SPANXN4: variants seen among roughly 807,000 people sequenced by gnomAD.
SPANXN4 encodes the protein sperm protein associated with the nucleus on the X chromosome N4.
Under a neutral mutation model 6.0 loss-of-function variants are expected in SPANXN4, and 5 were observed. That is an observed-to-expected ratio of 0.83 (90% CI 0.44 to 1.75). SPANXN4 has a LOEUF of 1.75. SPANXN4 is among the 40% of genes most tolerant of loss of function. The probability of loss-of-function intolerance (pLI) is 0.02; values close to 1 mark genes in which losing one functional copy is unlikely to be tolerated. For missense variants in SPANXN4, 157 were observed against 108.6 expected (o/e 1.45, Z -1.98); for synonymous variants, 45 against 38.0 (o/e 1.19, Z -0.68).
At position 143,030,422 on chromosome X, in the gene SPANXN4, G is replaced by A. The variant is rs765947986; in HGVS notation, c.79-3606G>A. Among the ~76,000 whole-genome samples, 3 of 110,746 alleles carry A rather than the reference G, an allele frequency of 2.7e-5. No individual in the cohort carries two copies. The South Asian group carries it at 1.2e-3, about 43-fold the overall frequency. ...CTGACAGGTTATGGGAGGGACTACA[G>A]AGAAGGAGGTCATTGACATATTGGA... is the stretch of plus-strand genomic sequence containing the variant. On this transcript the variant is annotated intron_variant, in intron 1 of 2. Transcript: ENST00000370504.
At chrX:143,033,973 C>T in intron 1 of SPANXN4, 52 bp from the exon 2 acceptor site, 3 of 1,069,839 alleles carry the variant, frequency 2.8e-6, no homozygotes, top group South Asian at 4.4e-5. Flanking sequence ...CTATTCTCTA[C>T]CCTCTTCATC....
At chrX:143,029,574 G>A (rs5954939) in intron 1 of SPANXN4, among the ~76,000 whole-genome samples, 3,917 of 111,063 alleles carry the variant, frequency 0.035, 191 homozygotes, top group African/African-American at 0.12. Context: ...TGTTGGAAGC[G>A]GGAGGAGAGG....
downstream of SPANXN4, among the ~76,000 whole-genome samples, chrX:143,035,370 A>G (rs62601932): frequency 0.047 from 5,183 of 110,426 alleles, 112 homozygotes; most frequent in Middle Eastern, 0.061. Flanking sequence ...TTTTCAATGT[A>G]TATATCCATT....
intron 1 of SPANXN4, among the ~76,000 whole-genome samples, chrX:143,030,773 C>T (rs5908514): frequency 0.2 from 22,051 of 110,443 alleles, 1,887 homozygotes; most frequent in South Asian, 0.31. Flanking sequence ...GATCTTGGAC[C>T]AACAGGCAAG....
intron 1 of SPANXN4, among the ~76,000 whole-genome samples, chrX:143,032,958 A>C (rs866990690): frequency 9.0e-6 from 1 of 111,494 alleles, no homozygotes; most frequent in Non-Finnish European, 1.9e-5. Flanking sequence ...GAGTGGCTGG[A>C]GTGGTGAGCG....
chrX:143,038,192 C>T (rs1291555336), downstream of SPANXN4, among the ~76,000 whole-genome samples: 1 of 111,927 alleles, frequency 8.9e-6, no homozygotes, highest in African/African-American at 3.2e-5. Context: ...GCACTAGTGA[C>T]ATTTGAATCA....
exon 1 of SPANXN4, chrX:143,026,024 C>A: frequency 8.3e-7 from 1 of 1,207,131 alleles, no homozygotes; most frequent in Non-Finnish European, 1.1e-6. Context: ...CATGGAAGAG[C>A]CAACTTCCAG....
intron 1 of SPANXN4, among the ~76,000 whole-genome samples, chrX:143,030,254 T>C (rs1422864744): frequency 8.2e-5 from 9 of 110,282 alleles, no homozygotes; most frequent in Non-Finnish European, 7.6e-5. Flanking sequence ...TTAGCTCATT[T>C]TGTTGGGTTG....
intron 1 of SPANXN4, among the ~76,000 whole-genome samples, chrX:143,029,934 C>T (rs1196349984): frequency 4.5e-5 from 5 of 111,375 alleles, no homozygotes; most frequent in Non-Finnish European, 7.5e-5. Context: ...TCTGGGGCGT[C>T]GCCGTATATT....
At position 143,026,334 on chromosome X, in the gene SPANXN4, G is replaced by C. The variant is rs1309496797; in HGVS notation, c.78+242G>C. The stretch of plus-strand genomic sequence containing the variant: ...AGATGTTGTTATGATCAGGCAGTTT[G>C]GCCCTTTTTCTGGTGGGATGTCATC... On this transcript the variant is annotated intron_variant, in intron 1 of 2. Transcript: ENST00000370504. Among the ~76,000 whole-genome samples, 5 of 111,364 alleles carry C rather than the reference G, an allele frequency of 4.5e-5. No individual in the cohort carries two copies. The East Asian group carries it at 1.4e-3, about 32-fold the overall frequency.
At chrX:143,028,636 G>C (rs1464442501) in intron 1 of SPANXN4, among the ~76,000 whole-genome samples, 1 of 110,722 alleles carries the variant, frequency 9.0e-6, no homozygotes, top group Non-Finnish European at 1.9e-5. Context: ...GTGATGGGGT[G>C]TGCCTTTTCG....
intron 1 of SPANXN4, among the ~76,000 whole-genome samples, chrX:143,032,097 T>C (rs1214633460): frequency 8.9e-6 from 1 of 112,041 alleles, no homozygotes; most frequent in Non-Finnish European, 1.9e-5. Context: ...ATGCATTCCC[T>C]GTCTTCTGGG....
chrX:143,037,935 C>A (rs1472005973), downstream of SPANXN4, among the ~76,000 whole-genome samples: 2 of 111,401 alleles, frequency 1.8e-5, no homozygotes, highest in Admixed American at 9.6e-5. Context: ...TCAATTAAAC[C>A]TCTTATTTTT....
chrX:143,027,213 C>T (rs1332133258), intron 1 of SPANXN4, among the ~76,000 whole-genome samples: 1 of 112,084 alleles, frequency 8.9e-6, no homozygotes, highest in African/African-American at 3.2e-5. Context: ...TGAATAGCTG[C>T]CAGCAAGGGT....
chrX:143,034,044 G>A (rs762694495), exon 2 of SPANXN4: 2 of 1,175,924 alleles, frequency 1.7e-6, no homozygotes, highest in South Asian at 1.9e-5. Context: ...AATCTGCACA[G>A]AGCCTCAGCC....
In SPANXN4 at chrX:143,026,101, G is replaced by A. The variant is rs200468887; in HGVS notation, c.78+9G>A. 9.4e-4 allele frequency: 1,131 copies of A among 1,196,955 alleles called. No homozygotes were observed. The highest frequency in any genetic ancestry group is 1.2e-3 in the Non-Finnish European group (1,073 of 887,697). On this transcript the variant is annotated intron_variant, in intron 1 of 2. Coordinates refer to ENST00000370504, the Ensembl canonical transcript of SPANXN4. The stretch of plus-strand genomic sequence containing the variant: ...AAAGAAAAGTTGACAAGGTCAGATT[G>A]TTAGGTTTTGAAGGGAAGGTGAGGG...
chrX:143,031,096 T>C (rs1426462444), intron 1 of SPANXN4, among the ~76,000 whole-genome samples: 9 of 109,043 alleles, frequency 8.3e-5, no homozygotes, highest in Admixed American at 6.0e-4. Flanking sequence ...AAAGTAGAAT[T>C]GTAGGAGCCG....
intron 2 of SPANXN4, 185 bp downstream of exon 2, chrX:143,034,496 T>C (rs1324460860): frequency 8.9e-7 from 1 of 1,126,919 alleles, no homozygotes; most frequent in South Asian, 2.2e-5. Context: ...CTTCTTAAAA[T>C]TTTATCTCAC....
At chrX:143,030,083 G>A (rs1299644931) in intron 1 of SPANXN4, among the ~76,000 whole-genome samples, 1 of 109,182 alleles carries the variant, frequency 9.2e-6, no homozygotes, top group African/African-American at 3.3e-5. Flanking sequence ...GGGAGTTGAT[G>A]GGGCAAGCTG....
Sources: gnomAD v4.1 joint callset for allele counts (sites outside exome capture counted in the v4.1 genomes callset) on GRCh38, gnomAD v4.1.1 for gene constraint, MANE v1.5 for transcripts, NCBI Gene and HGNC (gene_info 2026-07-23, HGNC 2026-07-21) for gene names.